MACROH2A2: variants seen among roughly 807,000 people sequenced by gnomAD.
MACROH2A2 encodes the protein macroH2A.2 histone, also known as core histone macro-H2A.2.
In MACROH2A2, 6 loss-of-function variants were observed where a neutral mutation model predicts 37.6. That is an observed-to-expected ratio of 0.16 (90% confidence interval 0.09 to 0.32). The LOEUF (loss-of-function observed/expected upper bound fraction) is 0.32. Ranked by LOEUF, MACROH2A2 falls within the 10% of genes least tolerant of loss-of-function variation. The pLI is 1.00. For missense variants in MACROH2A2, 290 were observed against 485.9 expected, an observed-to-expected ratio of 0.60 and a Z score of 3.79; for synonymous variants, 192 against 202.7, an observed-to-expected ratio of 0.95 and a Z score of 0.45.
chr10:70,078,009 G>A (rs2136626766), intron 2 of MACROH2A2, among the ~76,000 whole-genome samples: 1 of 152,318 alleles, frequency 6.6e-6, no homozygotes, highest in South Asian at 2.1e-4. Flanking sequence ...CAGTTTTGCT[G>A]CCCTACACTA....
Position 70,088,976 on chromosome 10 carries a change from C to T in MACROH2A2, c.173-1084C>T, listed in dbSNP as rs143247594. ...AAAATTAGCCAGGTGTGGTGGTGTGCGCCTGTAATCCCAGCTACTCAGGAG... is the reference window on the plus strand; with the variant it reads ...AAAATTAGCCAGGTGTGGTGGTGTGTGCCTGTAATCCCAGCTACTCAGGAG... On this transcript the variant is annotated intron_variant, in intron 2 of 8. Coordinates refer to ENST00000373255, the MANE Select transcript of MACROH2A2 (RefSeq NM_018649.3). Among the ~76,000 whole-genome samples, 1,099 of 152,196 alleles carry T rather than the reference C, an allele frequency of 7.2e-3. 14 individuals are homozygous for T. The highest frequency in any genetic ancestry group is 0.034 in the Admixed American group (518 of 15,296).
chr10:70,106,490 A>G (rs2072338382), intron 7 of MACROH2A2, among the ~76,000 whole-genome samples: 2 of 152,324 alleles, frequency 1.3e-5, no homozygotes, highest in African/African-American at 4.8e-5. Context: ...GACATTGCCA[A>G]TAGGAACATA....
At chr10:70,082,435 A>C (rs1479874844) in intron 2 of MACROH2A2, among the ~76,000 whole-genome samples, 1 of 152,174 alleles carries the variant, frequency 6.6e-6, no homozygotes, top group African/African-American at 2.4e-5. Context: ...AAAAAAGAAA[A>C]AAGAAAAGAA....
At chr10:70,094,767 C>T (rs2072264885) in intron 5 of MACROH2A2, among the ~76,000 whole-genome samples, 1 of 152,170 alleles carries the variant, frequency 6.6e-6, no homozygotes, top group South Asian at 2.1e-4. Context: ...CCCTCCATTC[C>T]ACTCTACTGT....
At chr10:70,054,382 C>A (rs979489953) in intron 1 of MACROH2A2, among the ~76,000 whole-genome samples, 26 of 152,304 alleles carry the variant, frequency 1.7e-4, no homozygotes, top group Admixed American at 1.5e-3. Context: ...AGGTGTCCTT[C>A]CAGCTTCTGT....
chr10:70,093,720 G>A lies in MACROH2A2; in HGVS notation c.478-15G>A, dbSNP rs374912544. ...TGGATTGGTTCTCATCTTGCCTTTT[G>A]ATTTTTACCGACAGTCCAAACCAAA... On this transcript the variant is annotated splice_polypyrimidine_tract_variant and intron_variant, in intron 4 of 8. Coordinates refer to ENST00000373255, the MANE Select transcript of MACROH2A2 (RefSeq NM_018649.3). 16 of 1,484,064 alleles carry A rather than the reference G, an allele frequency of 1.1e-5. No homozygotes were observed. The African/African-American group carries it at 2.2e-4, about 21-fold the overall frequency. 91.9% of individuals were successfully genotyped at this position (1,484,064 alleles called of 1,614,324 possible). A position where few individuals can be genotyped will look rare whatever the true frequency, so the allele number is the denominator to read the frequency against.
intron 4 of MACROH2A2, 61 bp downstream of exon 4, chr10:70,092,015 G>A (rs2072248297): frequency 2.2e-6 from 3 of 1,335,918 alleles, no homozygotes; most frequent in African/African-American, 1.4e-5. Context: ...GAATGTCTGT[G>A]TTCCCCCACA....
intron 1 of MACROH2A2, among the ~76,000 whole-genome samples, chr10:70,073,653 T>C (rs1391327479): frequency 5.3e-5 from 8 of 152,034 alleles, no homozygotes. Context: ...CAGGTGAGAG[T>C]TGAGAAAGGG....
At chr10:70,061,728 T>TACTA (rs1394243587) in intron 1 of MACROH2A2, among the ~76,000 whole-genome samples, 1 of 152,210 alleles carries the variant, frequency 6.6e-6, no homozygotes, top group Admixed American at 6.5e-5. Context: ...AAGGGAATGA[T>TACTA]TTGTTATCCA....
intron 2 of MACROH2A2, among the ~76,000 whole-genome samples, chr10:70,076,323 A>C (rs1378400192): frequency 6.6e-6 from 1 of 152,240 alleles, no homozygotes. Context: ...AGGTGCTGGC[A>C]TGAAGCCGAT....
At chr10:70,093,870 T>G in intron 5 of MACROH2A2, 25 bp downstream of exon 5, 1 of 1,265,594 alleles carries the variant, frequency 7.9e-7, no homozygotes, top group Non-Finnish European at 1.2e-6. Context: ...TGCCTTGTGC[T>G]ATATTAAAAC....
At chr10:70,103,234 C>T (rs2072317034) in intron 7 of MACROH2A2, among the ~76,000 whole-genome samples, 5 of 152,158 alleles carry the variant, frequency 3.3e-5, no homozygotes, top group Admixed American at 2.0e-4. Flanking sequence ...AGACCAAGCC[C>T]CAACTCAGTC....
Position 70,111,541 on chromosome 10 carries a change from C to T in MACROH2A2, c.977C>T (p.Ala326Val), listed in dbSNP as rs780429554. 1.1e-5 allele frequency: 18 copies of T among 1,613,114 alleles called. No individual in the cohort carries two copies. The highest frequency in any genetic ancestry group is 4.4e-5 in the South Asian group (4 of 90,880). The change falls in exon 9 of 9, where the codon GCG becomes GTG. Residue 326 changes from alanine (A) to valine (V), a missense_variant. Ala to Val is a moderately conservative substitution (Grantham distance 64). Around this residue, in one of 3 missense-constraint regions of MACROH2A2, gnomAD observed 130 missense variants for 257.1 expected, o/e 0.51. Coordinates refer to ENST00000373255, the MANE Select transcript of MACROH2A2 (RefSeq NM_018649.3). ...AGAAACTGCTTTCCCAAACAGACTGCGGCCCAGGTGACCCTCAAAGCCATC... is the reference window on the plus strand; with the variant it reads ...AGAAACTGCTTTCCCAAACAGACTGTGGCCCAGGTGACCCTCAAAGCCATC... ...SGRNCFPKQT[A>V]AQVTLKAISA... is the part of the protein sequence containing the mutation.
chr10:70,088,545 A>G lies in MACROH2A2; in HGVS notation c.173-1515A>G, dbSNP rs10999131. ...TTTTTTACCCCAAGGTTTTAATAGC[A>G]TGGGAAATAGCTTTAGGAAAATTTC... On this transcript the variant is annotated intron_variant, in intron 2 of 8. Transcript: ENST00000373255. Among the ~76,000 whole-genome samples the G allele has an allele frequency of 4.3e-3, 649 of 152,368 alleles. 21 individuals are homozygous for G. In the East Asian group the frequency reaches 0.076, roughly 18 times the overall value.
intron 2 of MACROH2A2, among the ~76,000 whole-genome samples, chr10:70,076,357 T>G (rs1311651959): frequency 6.6e-6 from 1 of 152,224 alleles, no homozygotes; most frequent in Non-Finnish European, 1.5e-5. Flanking sequence ...TTTGCTCTCC[T>G]TCACTGAGGT....
intron 2 of MACROH2A2, among the ~76,000 whole-genome samples, chr10:70,082,430 A>AG (rs199737613): frequency 6.6e-6 from 1 of 151,400 alleles, no homozygotes; most frequent in African/African-American, 2.4e-5. Context: ...AAAAAAAAAA[A>AG]GAAAAAAGAA....
chr10:70,059,055 T>TG (rs772668208), intron 1 of MACROH2A2, among the ~76,000 whole-genome samples: 8 of 152,200 alleles, frequency 5.3e-5, no homozygotes, highest in Admixed American at 6.5e-5. Context: ...TTCTTTTCTG[T>TG]GGTTATCCTG....
chr10:70,077,531 A>G (rs952911517), intron 2 of MACROH2A2, among the ~76,000 whole-genome samples: 1 of 151,790 alleles, frequency 6.6e-6, no homozygotes, highest in African/African-American at 2.4e-5. Flanking sequence ...CAGTGAGCTG[A>G]GATCACACCA....
chr10:70,091,849 G>C lies in MACROH2A2; in HGVS notation c.372G>C (p.Ser124=). 1 of 1,613,988 alleles carries C rather than the reference G, an allele frequency of 6.2e-7. No individual in the cohort carries two copies. The highest frequency in any genetic ancestry group is 2.2e-5 in the East Asian group (1 of 44,874). Reference sequence around the variant, plus strand: ...AAAAGCGAGGGACCAAAGGCAAGTCGGAAACGATCCTCTCCCCACCCCCAG... The same window carrying C: ...AAAAGCGAGGGACCAAAGGCAAGTCCGAAACGATCCTCTCCCCACCCCCAG... ...LAKKRGTKGK[S]ETILSPPPEK... Residue 124 remains serine, a synonymous_variant, in exon 4 of 9, where the codon TCG becomes TCC. Coordinates refer to ENST00000373255, the MANE Select transcript of MACROH2A2 (RefSeq NM_018649.3).
Sources: gnomAD v4.1 joint callset for allele counts (sites outside exome capture counted in the v4.1 genomes callset) on GRCh38, gnomAD v4.1.1 for gene constraint, gnomAD v4.1.1 regional missense constraint, MANE v1.5 for transcripts, NCBI Gene and HGNC (gene_info 2026-07-23, HGNC 2026-07-21) for gene names.